LURAP1L: variants seen among roughly 807,000 people sequenced by gnomAD.
The protein encoded by LURAP1L is leucine rich adaptor protein 1-like.
Under a neutral mutation model 13.8 loss-of-function variants are expected in LURAP1L, and 12 were observed. The ratio of observed to expected loss-of-function variants is 0.87; its 90% CI spans 0.56 to 1.41. The LOEUF (loss-of-function observed/expected upper bound fraction) is 1.41. Ranked by LOEUF, LURAP1L falls within the 40% of genes most tolerant of loss-of-function variation. The probability of loss-of-function intolerance (pLI) is 0.00; values close to 1 mark genes in which losing one functional copy is unlikely to be tolerated. For synonymous variants in LURAP1L, 139 were observed against 119.2 expected, an observed-to-expected ratio of 1.17 and a Z score of -1.08; for missense variants, 375 against 292.9, an observed-to-expected ratio of 1.28 and a Z score of -2.04.
rs1205429059 is a variant in LURAP1L at position 12,775,977 on chromosome 9, A to G, written c.262A>G (p.Ser88Gly). Residue 88 changes from serine to glycine, a missense_variant, in exon 1 of 2, where the codon AGC (serine) becomes GGC (glycine). Physicochemically the swap from Ser to Gly is moderately conservative, Grantham distance 56 (BLOSUM62 0). Coordinates refer to ENST00000319264, the MANE Select transcript of LURAP1L (RefSeq NM_203403.2). ...TGGCTCCCCACGAGGTAGCCACTCTAGCGCCCTGGAGAGGCTAGAAACCAA... is the reference window on the plus strand; with the variant it reads ...TGGCTCCCCACGAGGTAGCCACTCTGGCGCCCTGGAGAGGCTAGAAACCAA... The part of the protein sequence containing the change: ...TSGSPRGSHS[S>G]ALERLETKLH... 1 of 1,605,576 alleles carries G rather than the reference A, an allele frequency of 6.2e-7. No individual in the cohort carries two copies. The highest frequency in any genetic ancestry group is 2.3e-5 in the East Asian group (1 of 44,426).
chr9:12,796,883 G>A (rs569011388), intron 1 of LURAP1L, among the ~76,000 whole-genome samples: 1 of 143,100 alleles, frequency 7.0e-6, no homozygotes, highest in South Asian at 2.3e-4. Context: ...TCAAATTGCA[G>A]TTTGAAGATA....
intron 1 of LURAP1L, among the ~76,000 whole-genome samples, chr9:12,792,981 G>A (rs1258029798): frequency 6.6e-6 from 1 of 152,016 alleles, no homozygotes; most frequent in Non-Finnish European, 1.5e-5. Flanking sequence ...GAATAACTAA[G>A]AGATTTATGG....
chr9:12,775,529 C>T lies in LURAP1L; in HGVS notation c.-187C>T, dbSNP rs1819156908. The T allele has an allele frequency of 1.1e-6, 1 of 878,830 alleles. No homozygotes were observed. Among genetic ancestry groups the T allele is most frequent in the South Asian group, 2.3e-5 (1 of 43,506 alleles). 54.4% of individuals were successfully genotyped at this position (878,830 alleles called of 1,614,324 possible). ...GACTGGGAACTGCAGCTGCGACCCC[C>T]CGCGTCCTGTGCGGATTTCAGGGCT... On this transcript the variant is annotated 5_prime_UTR_variant, in exon 1 of 2. Coordinates refer to ENST00000319264, the MANE Select transcript of LURAP1L (RefSeq NM_203403.2).
At chr9:12,797,691 C>A (rs1022524863) in intron 1 of LURAP1L, among the ~76,000 whole-genome samples, 1 of 151,992 alleles carries the variant, frequency 6.6e-6, no homozygotes, top group Non-Finnish European at 1.5e-5. Context: ...TCAGAAAGTT[C>A]TCTAAGGATT....
At chr9:12,788,358 A>G (rs1176087879) in intron 1 of LURAP1L, among the ~76,000 whole-genome samples, 1 of 136,702 alleles carries the variant, frequency 7.3e-6, no homozygotes, top group Non-Finnish European at 1.7e-5. Flanking sequence ...TGCTAGAAGT[A>G]TACATTCAAA....
intron 1 of LURAP1L, among the ~76,000 whole-genome samples, chr9:12,798,627 C>T (rs968384382): frequency 1.3e-5 from 2 of 152,098 alleles, no homozygotes; most frequent in Non-Finnish European, 2.9e-5. Context: ...TCCTTCAAAG[C>T]TAGAAGTGAT....
intron 1 of LURAP1L, among the ~76,000 whole-genome samples, chr9:12,776,828 T>C (rs1819192612): frequency 6.6e-6 from 1 of 152,126 alleles, no homozygotes; most frequent in East Asian, 1.9e-4. Flanking sequence ...GGTCTAGGAA[T>C]ACTCATTCTG....
rs1223767941 is a variant in LURAP1L, at chr9:12,821,288, T to C, written c.313-98T>C. On this transcript the variant is annotated intron_variant, in intron 1 of 1. Transcript: ENST00000319264. ...TCCACTTATATTTTATTCTGTGAAT[T>C]TAAAATTCTGAACTGCAGCAGACAG... The C allele has an allele frequency of 1.9e-5, 26 of 1,342,596 alleles. No homozygotes were observed. The Admixed American group carries it at 2.9e-4, about 15-fold the overall frequency. 83.2% of individuals were successfully genotyped at this position (1,342,596 alleles called of 1,614,324 possible). A position where few individuals can be genotyped will look rare whatever the true frequency, so the allele number is the denominator to read the frequency against.
In LURAP1L at chr9:12,786,582, A is replaced by ATATATATATATATAT. The variant is rs55704493; in HGVS notation, c.312+10555_312+10556insTATATATATATATAT. 3.3e-3 allele frequency among the ~76,000 whole-genome samples: 373 copies of ATATATATATATATAT among 113,354 alleles called. 1 individual carries two copies. The highest frequency in any genetic ancestry group is 4.7e-3 in the East Asian group (17 of 3,640). The allele number at this position is 113,354 out of a possible 152,430, so 74.4% of individuals were successfully genotyped here. The stretch of plus-strand genomic sequence containing the variant: ...TATATATATATATATATATATATAT[A>ATATATATATATATAT]AACCCTTGTGCCTTAAGTCTGTATA... On this transcript the variant is annotated intron_variant, in intron 1 of 1. Transcript: ENST00000319264.
At chr9:12,811,687 C>T (rs1372969795) in intron 1 of LURAP1L, among the ~76,000 whole-genome samples, 1 of 152,218 alleles carries the variant, frequency 6.6e-6, no homozygotes, top group African/African-American at 2.4e-5. Context: ...TCTCTAGGAC[C>T]TTGCTAAAGT....
intron 1 of LURAP1L, among the ~76,000 whole-genome samples, chr9:12,794,725 C>G (rs1819489390): frequency 6.6e-6 from 1 of 151,894 alleles, no homozygotes; most frequent in African/African-American, 2.4e-5. Flanking sequence ...CAGATGGAAA[C>G]TCTCAGCTGC....
rs139341661 is a variant in LURAP1L at position 12,802,468 on chromosome 9, G to A, written c.313-18918G>A. 9.9e-5 allele frequency among the ~76,000 whole-genome samples: 15 copies of A among 152,252 alleles called. No individual in the cohort carries two copies. In the East Asian group the frequency reaches 2.5e-3, roughly 26 times the overall value. ...ACTCTCTTCCTTCTGCTCTGGCCAC[G>A]TGAAATGCTAGCTCTCCTTTTGCCT... On this transcript the variant is annotated intron_variant, in intron 1 of 1. Coordinates refer to ENST00000319264, the MANE Select transcript of LURAP1L (RefSeq NM_203403.2).
Position 12,817,334 on chromosome 9 carries a change from C to T in LURAP1L, c.313-4052C>T, listed in dbSNP as rs187536058. ...AGATGTTGGACAGGTACTAATTCAG[C>T]ACCTACTTGTGTGAGATACTCTTCC... On this transcript the variant is annotated intron_variant, in intron 1 of 1. Transcript: ENST00000319264. Among the ~76,000 whole-genome samples, 54 of 152,260 alleles carry T rather than the reference C, an allele frequency of 3.5e-4. No individual in the cohort carries two copies. The East Asian group carries it at 8.9e-3, about 25-fold the overall frequency.
rs1216867218 is a variant in LURAP1L at position 12,821,679 on chromosome 9, C to T, written c.606C>T (p.Phe202=). The stretch of plus-strand genomic sequence containing the variant: ...AGACCCCTTCAGACTTGGACCAATT[C>T]AGTGACAGCTCCCTCATAGAGGACT... ...GHQTPSDLDQ[F]SDSSLIEDSQ... The change falls in exon 2 of 2, where the codon TTC becomes TTT. Residue 202 remains phenylalanine, a synonymous_variant. Transcript: ENST00000319264. 1 of 1,614,188 alleles carries T rather than the reference C, an allele frequency of 6.2e-7. No individual in the cohort carries two copies. The highest frequency in any genetic ancestry group is 8.5e-7 in the Non-Finnish European group (1 of 1,180,034).
chr9:12,795,701 T>C (rs1198487521), intron 1 of LURAP1L, among the ~76,000 whole-genome samples: 2 of 152,066 alleles, frequency 1.3e-5, no homozygotes, highest in African/African-American at 4.8e-5. Context: ...AGTTGTTATG[T>C]TAGGGAAGTG....
chr9:12,790,112 T>A (rs12375837), intron 1 of LURAP1L, among the ~76,000 whole-genome samples: 11,160 of 152,136 alleles, frequency 0.073, 489 homozygotes, highest in Admixed American at 0.1. Context: ...CATGTTATTT[T>A]AAAAAAATAT....
chr9:12,818,943 G>A (rs894529859), intron 1 of LURAP1L, among the ~76,000 whole-genome samples: 1 of 152,086 alleles, frequency 6.6e-6, no homozygotes, highest in Non-Finnish European at 1.5e-5. Context: ...GATTTTTCTG[G>A]GCTGCTCAGT....
Position 12,821,615 on chromosome 9 carries a change from G to A in LURAP1L, c.542G>A (p.Ser181Asn). The change falls in exon 2 of 2, where the codon AGT becomes AAT. Residue 181 changes from serine to asparagine, a missense_variant. Transcript: ENST00000319264. ...GGGCTGGATGGCATTTCCGTGGGAAGTTATCTGGACACGTTGGCGGATGAT... is the reference window on the plus strand; with the variant it reads ...GGGCTGGATGGCATTTCCGTGGGAAATTATCTGGACACGTTGGCGGATGAT... ...SDGLDGISVG[S>N]YLDTLADDVP... 1.9e-6 allele frequency: 3 copies of A among 1,614,196 alleles called. No homozygotes were observed. The highest frequency in any genetic ancestry group is 2.5e-6 in the Non-Finnish European group (3 of 1,180,036).
intron 1 of LURAP1L, chr9:12,814,416 G>A (rs1013932711): frequency 6.6e-6 from 1 of 152,150 alleles, no homozygotes; most frequent in African/African-American, 2.4e-5. Context: ...GTGATTTATA[G>A]CCGATTGCAT....
Sources: allele counts gnomAD v4.1 joint callset (sites outside exome capture counted in the v4.1 genomes callset), GRCh38; gene constraint gnomAD v4.1.1; transcripts MANE v1.5; gene names NCBI Gene and HGNC (gene_info 2026-07-23, HGNC 2026-07-21).